The following PTPRD variants were observed in gnomAD, a reference collection of about 807,000 sequenced individuals.
The protein encoded by PTPRD is protein tyrosine phosphatase receptor type D, also known as receptor-type tyrosine-protein phosphatase delta.
Under a neutral mutation model 214.5 loss-of-function variants are expected in PTPRD, and 34 were observed. That is an observed-to-expected ratio of 0.16 (90% confidence interval 0.12 to 0.21). The LOEUF is 0.21. PTPRD is among the 10% of genes least tolerant of loss of function. The pLI is 1.00. For synonymous variants in PTPRD, 1,128 were observed against 845.7 expected (o/e 1.33, Z -5.79); for missense variants, 2,545 against 2,398.7 (o/e 1.06, Z -1.27).
chr9:9,839,174 G>A (rs1440002866), intron 5 of PTPRD, among the ~76,000 whole-genome samples: 1 of 152,120 alleles, frequency 6.6e-6, no homozygotes, highest in Non-Finnish European at 1.5e-5. Context: ...CTGTAGCCTT[G>A]TAGTATAGTG....
intron 11 of PTPRD, among the ~76,000 whole-genome samples, chr9:9,006,816 G>A (rs983716502): frequency 7.9e-5 from 12 of 151,452 alleles, no homozygotes; most frequent in African/African-American, 2.7e-4. Context: ...TTTATAGTAT[G>A]GAAAAAAACT....
At chr9:8,678,947 A>G (rs1418278969) in intron 12 of PTPRD, among the ~76,000 whole-genome samples, 8 of 152,242 alleles carry the variant, frequency 5.3e-5, no homozygotes, top group African/African-American at 1.9e-4. Context: ...ATATGCATTA[A>G]TAATACTGTG....
At chr9:9,010,389 C>T (rs1337024495) in intron 11 of PTPRD, among the ~76,000 whole-genome samples, 1 of 152,164 alleles carries the variant, frequency 6.6e-6, no homozygotes, top group Non-Finnish European at 1.5e-5. Context: ...CACCTTTTAT[C>T]CCCCTGCTCT....
chr9:9,720,455 C>T (rs1595987671), intron 7 of PTPRD, among the ~76,000 whole-genome samples: 2 of 152,222 alleles, frequency 1.3e-5, no homozygotes, highest in African/African-American at 4.8e-5. Flanking sequence ...TTCTTATTTA[C>T]TTAAGGACAT....
At chr9:9,013,756 A>C (rs1168452307) in intron 11 of PTPRD, among the ~76,000 whole-genome samples, 1 of 152,142 alleles carries the variant, frequency 6.6e-6, no homozygotes, top group Non-Finnish European at 1.5e-5. Flanking sequence ...AGGTATGGGG[A>C]TGTACCCACT....
intron 3 of PTPRD, among the ~76,000 whole-genome samples, chr9:10,229,518 A>T (rs1325226645): frequency 6.6e-6 from 1 of 152,110 alleles, no homozygotes; most frequent in Admixed American, 6.6e-5. Context: ...AATACTATGC[A>T]GCCACAAAAA....
At chr9:8,464,301 G>T (rs1380876338) in intron 32 of PTPRD, among the ~76,000 whole-genome samples, 2 of 151,984 alleles carry the variant, frequency 1.3e-5, no homozygotes, top group African/African-American at 4.8e-5. Flanking sequence ...AAAAGAAAAA[G>T]ATGATTTCTT....
intron 14 of PTPRD, among the ~76,000 whole-genome samples, chr9:8,550,727 A>C (rs2081818917): frequency 6.6e-6 from 1 of 152,378 alleles, no homozygotes; most frequent in East Asian, 1.9e-4. Flanking sequence ...CTCAGCCCTA[A>C]GATTTCTTAA....
At chr9:10,271,217 T>A (rs1428968080) in intron 3 of PTPRD, among the ~76,000 whole-genome samples, 4 of 152,208 alleles carry the variant, frequency 2.6e-5, no homozygotes, top group African/African-American at 4.8e-5. Flanking sequence ...TAATATTTAC[T>A]ATTTTAAATT....
At chr9:8,537,597 A>T (rs1235765349) in intron 14 of PTPRD, among the ~76,000 whole-genome samples, 1 of 152,058 alleles carries the variant, frequency 6.6e-6, no homozygotes, top group Non-Finnish European at 1.5e-5. Flanking sequence ...GATTTCTCAT[A>T]GAATTATGCC....
intron 2 of PTPRD, among the ~76,000 whole-genome samples, chr9:10,393,593 C>A (rs1007384982): frequency 4.0e-5 from 6 of 149,594 alleles, no homozygotes; most frequent in Non-Finnish European, 7.4e-5. Flanking sequence ...GAGTTCAAGG[C>A]TAGTCTGGGC....
chr9:8,797,978 C>A (rs2096482884), intron 11 of PTPRD, among the ~76,000 whole-genome samples: 1 of 151,998 alleles, frequency 6.6e-6, no homozygotes, highest in Non-Finnish European at 1.5e-5. Flanking sequence ...TCAAGCAATC[C>A]TTTGACCTCA....
At chr9:10,309,651 C>A (rs1224182119) in intron 3 of PTPRD, among the ~76,000 whole-genome samples, 2 of 151,862 alleles carry the variant, frequency 1.3e-5, no homozygotes, top group Admixed American at 1.3e-4. Context: ...AGGCATGAAC[C>A]ACCACACCTG....
At chr9:9,790,412 C>A (rs2098959128) in intron 5 of PTPRD, among the ~76,000 whole-genome samples, 1 of 152,168 alleles carries the variant, frequency 6.6e-6, no homozygotes, top group Non-Finnish European at 1.5e-5. Context: ...ATTGTTTTCT[C>A]TATGAAATCT....
At chr9:8,641,198 A>G (rs2096568774) in intron 12 of PTPRD, among the ~76,000 whole-genome samples, 2 of 148,530 alleles carry the variant, frequency 1.3e-5, no homozygotes, top group South Asian at 4.2e-4. Context: ...AAAGCATAAA[A>G]CAAGGGTATC....
At chr9:9,931,271 G>A (rs929926245) in intron 5 of PTPRD, among the ~76,000 whole-genome samples, 3 of 152,214 alleles carry the variant, frequency 2.0e-5, no homozygotes, top group Admixed American at 6.5e-5. Context: ...CCCAGCGTGA[G>A]CGACGCAGAA....
chr9:8,756,814 T>A (rs975213503), intron 11 of PTPRD, among the ~76,000 whole-genome samples: 1 of 152,086 alleles, frequency 6.6e-6, no homozygotes, highest in Non-Finnish European at 1.5e-5. Context: ...TGTTTAGTGA[T>A]AAAGCCAAAG....
chr9:8,366,187 G>T (rs909994185), intron 39 of PTPRD, among the ~76,000 whole-genome samples: 2 of 152,158 alleles, frequency 1.3e-5, no homozygotes, highest in Non-Finnish European at 2.9e-5. Context: ...CTCCCTTTCA[G>T]ACATTAAATG....
chr9:9,303,208 A>C (rs1300217785), intron 9 of PTPRD, among the ~76,000 whole-genome samples: 2 of 151,998 alleles, frequency 1.3e-5, no homozygotes, highest in Admixed American at 6.6e-5. Flanking sequence ...CCAGTTCCCC[A>C]TTATCCTATT....
Sources: allele counts gnomAD v4.1 joint callset (sites outside exome capture counted in the v4.1 genomes callset), GRCh38; gene constraint gnomAD v4.1.1; transcripts MANE v1.5; gene names NCBI Gene and HGNC (gene_info 2026-07-23, HGNC 2026-07-21).